Variants in RPS6KA5 observed in about 807,000 individuals in gnomAD.
RPS6KA5 encodes ribosomal protein S6 kinase alpha-5.
In RPS6KA5, 27 loss-of-function variants were observed where a neutral mutation model predicts 85.5. That is an observed-to-expected ratio of 0.32 (90% CI 0.23 to 0.44). The LOEUF (loss-of-function observed/expected upper bound fraction) is 0.44. Ranked by LOEUF, RPS6KA5 falls within the 20% of genes least tolerant of loss-of-function variation. RPS6KA5 has a pLI of 1.00. For missense variants in RPS6KA5, 811 were observed against 980.9 expected (o/e 0.83, Z 2.31); for synonymous variants, 334 against 348.2 (o/e 0.96, Z 0.46).
chr14:90,937,276 G>A (rs149803781), intron 5 of RPS6KA5, among the ~76,000 whole-genome samples: 12 of 152,220 alleles, frequency 7.9e-5, no homozygotes, highest in African/African-American at 2.9e-4. Flanking sequence ...ATGGTGGCGG[G>A]GTAGGGGGGC....
At chr14:90,882,846 C>T (rs1315977042) in intron 14 of RPS6KA5, among the ~76,000 whole-genome samples, 1 of 151,576 alleles carries the variant, frequency 6.6e-6, no homozygotes, top group Non-Finnish European at 1.5e-5. Context: ...CTCACTCTGT[C>T]ACCCACTCTG....
intron 1 of RPS6KA5, among the ~76,000 whole-genome samples, chr14:91,035,140 C>T (rs2042346673): frequency 6.6e-6 from 1 of 151,526 alleles, no homozygotes; most frequent in Admixed American, 6.6e-5. Flanking sequence ...TTTAAAAGTA[C>T]ACAGAAACTT....
intron 3 of RPS6KA5, among the ~76,000 whole-genome samples, chr14:90,956,394 T>C (rs945668010): frequency 1.3e-5 from 2 of 152,170 alleles, no homozygotes; most frequent in African/African-American, 4.8e-5. Context: ...TTAATCATTT[T>C]TCCCTTTAAT....
intron 5 of RPS6KA5, among the ~76,000 whole-genome samples, chr14:90,938,252 G>T (rs2037381964): frequency 6.6e-6 from 1 of 152,216 alleles, no homozygotes; most frequent in South Asian, 2.1e-4. Context: ...AGGTCACGCT[G>T]ATGCAAGAGG....
At chr14:91,039,684 T>C (rs2042531033) in intron 1 of RPS6KA5, among the ~76,000 whole-genome samples, 1 of 152,126 alleles carries the variant, frequency 6.6e-6, no homozygotes, top group African/African-American at 2.4e-5. Flanking sequence ...CAATATGTGC[T>C]TAAAACCAGG....
At chr14:90,926,695 G>GTGTA (rs1042756112) in intron 5 of RPS6KA5, among the ~76,000 whole-genome samples, 5 of 150,808 alleles carry the variant, frequency 3.3e-5, no homozygotes, top group Non-Finnish European at 7.4e-5. Flanking sequence ...GTGTGTGTGT[G>GTGTA]TACATATCTC....
At chr14:91,052,564 C>T in intron 1 of RPS6KA5, 1 of 196,940 alleles carries the variant, frequency 5.1e-6, no homozygotes, top group Non-Finnish European at 1.0e-5. Flanking sequence ...GTGGCTCAAG[C>T]CTGTAATCCC....
At chr14:90,881,531 G>A (rs954249290) in intron 14 of RPS6KA5, among the ~76,000 whole-genome samples, 10 of 151,324 alleles carry the variant, frequency 6.6e-5, no homozygotes, top group East Asian at 2.0e-4. Context: ...ACGGAGTTTC[G>A]CTCTTGTTAC....
At chr14:90,964,241 C>T (rs2038947742) in intron 3 of RPS6KA5, among the ~76,000 whole-genome samples, 2 of 152,304 alleles carry the variant, frequency 1.3e-5, no homozygotes, top group South Asian at 2.1e-4. Context: ...ATGGCTCCTG[C>T]ACATACCGGC....
chr14:90,983,417 T>C (rs1028088153), intron 2 of RPS6KA5, among the ~76,000 whole-genome samples: 5 of 151,300 alleles, frequency 3.3e-5, no homozygotes, highest in Admixed American at 6.6e-5. Flanking sequence ...CTAGGCAACA[T>C]AGGGAGACCC....
chr14:91,035,244 G>T (rs2042350746), intron 1 of RPS6KA5, among the ~76,000 whole-genome samples: 1 of 151,438 alleles, frequency 6.6e-6, no homozygotes, highest in African/African-American at 2.4e-5. Context: ...AAGTAAAACT[G>T]CATATGAACC....
In RPS6KA5 at chr14:90,865,004, T is replaced by A. The variant is rs1271994205; in HGVS notation, c.*7070A>T. 1 of 152,224 alleles carries A rather than the reference T, an allele frequency of 6.6e-6. No homozygotes were observed. The highest frequency in any genetic ancestry group is 6.5e-5 in the Admixed American group (1 of 15,286). 9.4% of individuals were successfully genotyped at this position (152,224 alleles called of 1,614,324 possible). A position where few individuals can be genotyped will look rare whatever the true frequency, so the allele number is the denominator to read the frequency against. On this transcript the variant is annotated 3_prime_UTR_variant, in exon 17 of 17. Coordinates refer to ENST00000614987, the MANE Select transcript of RPS6KA5 (RefSeq NM_004755.4). ...CATTGTTGAAAACCATTTGGTAATA[T>A]CTTCTACAGCTAAATATATATTCAT...
intron 14 of RPS6KA5, among the ~76,000 whole-genome samples, chr14:90,881,583 C>T (rs1197069883): frequency 6.6e-6 from 1 of 152,086 alleles, no homozygotes; most frequent in Non-Finnish European, 1.5e-5. Flanking sequence ...TCACTGCAAC[C>T]TCTGCCTCCT....
intron 8 of RPS6KA5, among the ~76,000 whole-genome samples, chr14:90,904,871 T>C (rs915890609): frequency 5.3e-5 from 8 of 152,190 alleles, no homozygotes; most frequent in Admixed American, 5.2e-4. Flanking sequence ...CATCCTGCAA[T>C]ATTCCCAAAT....
chr14:90,940,765 C>T (rs569416456), intron 5 of RPS6KA5, among the ~76,000 whole-genome samples: 99 of 152,350 alleles, frequency 6.5e-4, no homozygotes, highest in African/African-American at 2.1e-3. Flanking sequence ...GAGCAGCAGA[C>T]AAGCATTGCC....
intron 2 of RPS6KA5, among the ~76,000 whole-genome samples, chr14:90,996,431 TAC>T (rs1210223799): frequency 5.2e-4 from 79 of 152,170 alleles, no homozygotes; most frequent in Non-Finnish European, 6.9e-4. Context: ...TCATTAATAT[TAC>T]ATTTTAATAG....
chr14:90,974,037 C>CAAAAAAAAAAAAAAAAAA (rs56212923), intron 3 of RPS6KA5, among the ~76,000 whole-genome samples: 2 of 61,444 alleles, frequency 3.3e-5, no homozygotes, highest in Admixed American at 2.7e-4. Flanking sequence ...GACTCCATCT[C>CAAAAAAAAAAAAAAAAAA]AAAAAAAAAA....
chr14:91,042,719 G>C (rs1435495175), intron 1 of RPS6KA5, among the ~76,000 whole-genome samples: 6 of 151,702 alleles, frequency 4.0e-5, no homozygotes, highest in Non-Finnish European at 4.4e-5. Context: ...AATAATAAAA[G>C]CAAGTCTTTT....
chr14:91,044,392 G>A (rs11621656), intron 1 of RPS6KA5, among the ~76,000 whole-genome samples: 3,166 of 54,992 alleles, frequency 0.058, 109 homozygotes, highest in East Asian at 0.19. Flanking sequence ...AAAGAAAGAA[G>A]GAAAGAAAGA....
Sources: allele counts gnomAD v4.1 joint callset (sites outside exome capture counted in the v4.1 genomes callset), GRCh38; gene constraint gnomAD v4.1.1; transcripts MANE v1.5; gene names NCBI Gene and HGNC (gene_info 2026-07-23, HGNC 2026-07-21).